Variants in WHRN observed in about 807,000 individuals in gnomAD.
The protein encoded by WHRN is whirlin.
A neutral mutation model predicts 68.3 loss-of-function variants in WHRN; 41 were observed. The observed-to-expected ratio is 0.60, with a 90% CI of 0.47 to 0.78. WHRN has a LOEUF of 0.78. Among genes scored for constraint, WHRN ranks in the 30% least tolerant of loss-of-function variants. WHRN has a pLI of 0.00. For synonymous variants in WHRN, 560 were observed against 561.3 expected (o/e 1.00, Z 0.03); for missense variants, 1,243 against 1,244.7 (o/e 1.00, Z 0.02).
intron 7 of WHRN, among the ~76,000 whole-genome samples, chr9:114,410,553 C>T (rs1835364493): frequency 1.3e-5 from 2 of 152,176 alleles, no homozygotes; most frequent in South Asian, 4.1e-4. Flanking sequence ...ACGCCATACC[C>T]CTAAGACAGA....
At position 114,499,677 on chromosome 9, in the gene WHRN, T is replaced by C. The variant is rs79390675; in HGVS notation, c.618+4507A>G. On this transcript the variant is annotated intron_variant, in intron 1 of 11. Transcript: ENST00000362057. ...ATTCAAGCTTGAGCAGTCAGGCACA[T>C]GAGCGAGGGGCTGCAGGCACTGACA... Among the ~76,000 whole-genome samples the C allele has an allele frequency of 1.3e-3, 200 of 152,320 alleles. 2 individuals are homozygous for C. The East Asian group carries it at 0.038, about 29-fold the overall frequency.
In WHRN at chr9:114,449,598, A is replaced by T. The variant is rs886428403; in HGVS notation, c.963+16669T>A. Reference sequence around the variant, plus strand: ...TTCAGAGAGGCCATTTCAAAAATCCAACTAAGAGAGTATCATAAGGAAGGA... The same window carrying T: ...TTCAGAGAGGCCATTTCAAAAATCCTACTAAGAGAGTATCATAAGGAAGGA... On this transcript the variant is annotated intron_variant, in intron 3 of 11. Coordinates refer to ENST00000362057, the MANE Select transcript of WHRN (RefSeq NM_015404.4). Among the ~76,000 whole-genome samples the T allele has an allele frequency of 4.6e-5, 7 of 152,314 alleles. No homozygotes were observed. The East Asian group carries it at 1.4e-3, about 29-fold the overall frequency.
chr9:114,429,640 G>A (rs1051949107), intron 3 of WHRN, among the ~76,000 whole-genome samples: 1 of 152,202 alleles, frequency 6.6e-6, no homozygotes, highest in Non-Finnish European at 1.5e-5. Context: ...TCCCTGTAAA[G>A]AGCGTGAGAC....
At chr9:114,450,049 A>G (rs1003040344) in intron 3 of WHRN, among the ~76,000 whole-genome samples, 2 of 151,964 alleles carry the variant, frequency 1.3e-5, no homozygotes, top group Admixed American at 1.3e-4. Context: ...GGACTTGTGG[A>G]CCCGCCCAGG....
intron 7 of WHRN, among the ~76,000 whole-genome samples, chr9:114,413,638 G>T (rs535834062): frequency 2.8e-4 from 43 of 152,306 alleles, no homozygotes; most frequent in Admixed American, 5.2e-4. Flanking sequence ...GAATGGGAGA[G>T]AAATAATCCT....
intron 3 of WHRN, among the ~76,000 whole-genome samples, chr9:114,439,878 T>C (rs1221274172): frequency 6.6e-6 from 1 of 152,214 alleles, no homozygotes; most frequent in Non-Finnish European, 1.5e-5. Context: ...GATAGTCTAC[T>C]TTATAATTTA....
intron 1 of WHRN, among the ~76,000 whole-genome samples, chr9:114,482,362 C>A (rs899759719): frequency 8.5e-5 from 13 of 152,204 alleles, no homozygotes; most frequent in Admixed American, 6.5e-5. Flanking sequence ...CAGAGGAGTG[C>A]AAGTGGAAAA....
At chr9:114,452,535 G>A (rs1388870916) in intron 3 of WHRN, among the ~76,000 whole-genome samples, 1 of 152,242 alleles carries the variant, frequency 6.6e-6, no homozygotes, top group East Asian at 1.9e-4. Context: ...CCTATCTTGA[G>A]CACTATCTCC....
chr9:114,504,115 G>C (rs1844174787), intron 1 of WHRN, 69 bp downstream of exon 1: 1 of 1,608,276 alleles, frequency 6.2e-7, no homozygotes. Flanking sequence ...ACACAGCATG[G>C]AGTTACTGAA....
chr9:114,438,659 G>C (rs189486814), intron 3 of WHRN, among the ~76,000 whole-genome samples: 151 of 152,040 alleles, frequency 9.9e-4, no homozygotes, highest in Non-Finnish European at 1.7e-3. Flanking sequence ...TCACCTGTTA[G>C]CCAGGATGGT....
chr9:114,483,102 G>A (rs1317606632), intron 1 of WHRN, among the ~76,000 whole-genome samples: 1 of 152,232 alleles, frequency 6.6e-6, no homozygotes, highest in South Asian at 2.1e-4. Context: ...ATCTACCTCT[G>A]ATAATGACTA....
intron 3 of WHRN, among the ~76,000 whole-genome samples, chr9:114,447,308 A>G (rs1464255395): frequency 6.6e-6 from 1 of 152,128 alleles, no homozygotes; most frequent in African/African-American, 2.4e-5. Flanking sequence ...CTGGCTCCAC[A>G]CGCCCTGGCT....
At chr9:114,472,978 A>C (rs1841362342) in intron 2 of WHRN, among the ~76,000 whole-genome samples, 4 of 152,248 alleles carry the variant, frequency 2.6e-5, no homozygotes, top group African/African-American at 9.6e-5. Context: ...AACAAGCTTC[A>C]AACCCAGTGC....
chr9:114,461,594 C>T (rs562047132), intron 3 of WHRN, among the ~76,000 whole-genome samples: 1 of 152,246 alleles, frequency 6.6e-6, no homozygotes, highest in African/African-American at 2.4e-5. Context: ...CACGTTCAGC[C>T]ACATGGGCCT....
chr9:114,433,535 T>C (rs1384136270), intron 3 of WHRN, among the ~76,000 whole-genome samples: 2 of 152,248 alleles, frequency 1.3e-5, no homozygotes, highest in Admixed American at 1.3e-4. Context: ...TAAAGAGTTT[T>C]ATTGCAATTA....
At chr9:114,480,407 C>T (rs553557125) in intron 1 of WHRN, among the ~76,000 whole-genome samples, 1 of 152,238 alleles carries the variant, frequency 6.6e-6, no homozygotes, top group African/African-American at 2.4e-5. Context: ...GGAGATGAGG[C>T]CTTTAGGGGG....
At chr9:114,405,874 C>T (rs368142454) in intron 9 of WHRN, among the ~76,000 whole-genome samples, 11 of 152,240 alleles carry the variant, frequency 7.2e-5, no homozygotes, top group African/African-American at 9.6e-5. Flanking sequence ...TCTAGCAAAC[C>T]GGGGCACAGC....
chr9:114,435,609 G>A (rs1837783364), intron 3 of WHRN, among the ~76,000 whole-genome samples: 2 of 152,206 alleles, frequency 1.3e-5, no homozygotes, highest in Admixed American at 1.3e-4. Context: ...AGAGGTAGAG[G>A]AGGGGTGTCA....
At chr9:114,454,212 AT>A (rs1373093577) in intron 3 of WHRN, among the ~76,000 whole-genome samples, 1 of 152,166 alleles carries the variant, frequency 6.6e-6, no homozygotes, top group Non-Finnish European at 1.5e-5. Context: ...ATAAGGCAAA[AT>A]TTTTCTCTCA....
Sources: gnomAD v4.1 joint callset for allele counts (sites outside exome capture counted in the v4.1 genomes callset) on GRCh38, gnomAD v4.1.1 for gene constraint, MANE v1.5 for transcripts, NCBI Gene and HGNC (gene_info 2026-07-23, HGNC 2026-07-21) for gene names.